COL22A1: variants seen among roughly 807,000 people sequenced by gnomAD.
The protein encoded by COL22A1 is collagen alpha-1(XXII) chain.
In COL22A1, 221 loss-of-function variants were observed where a neutral mutation model predicts 248.9. The observed-to-expected ratio is 0.89, with a 90% confidence interval of 0.80 to 0.99. The LOEUF is 0.99. COL22A1 is among the 50% of genes least tolerant of loss of function. The pLI, the probability that COL22A1 is intolerant of heterozygous loss-of-function variation, is 0.00. For synonymous variants in COL22A1, 891 were observed against 793.4 expected (o/e 1.12, Z -2.07); for missense variants, 2,240 against 2,179.0 (o/e 1.03, Z -0.56).
At chr8:138,711,024 C>T (rs900691752) in intron 30 of COL22A1, among the ~76,000 whole-genome samples, 5 of 152,172 alleles carry the variant, frequency 3.3e-5, no homozygotes, top group African/African-American at 7.2e-5. Context: ...TGGAAATAGC[C>T]TCCTCATCCT....
chr8:138,831,683 C>G (rs1241965164), intron 5 of COL22A1, among the ~76,000 whole-genome samples: 1 of 152,098 alleles, frequency 6.6e-6, no homozygotes, highest in Non-Finnish European at 1.5e-5. Flanking sequence ...AGGAGGTAGA[C>G]AGGGAGGCCT....
chr8:138,894,416 C>A (rs1825260215), intron 1 of COL22A1, among the ~76,000 whole-genome samples: 1 of 152,116 alleles, frequency 6.6e-6, no homozygotes, highest in Non-Finnish European at 1.5e-5. Context: ...TGGTGACTGG[C>A]AGGGAGCAGG....
At chr8:138,768,389 C>T (rs954010695) in intron 16 of COL22A1, among the ~76,000 whole-genome samples, 37 of 152,158 alleles carry the variant, frequency 2.4e-4, no homozygotes, top group African/African-American at 8.7e-4. Flanking sequence ...AGAAAGCCCA[C>T]CTTCCATTCT....
chr8:138,721,778 C>A (rs1829886753), intron 26 of COL22A1, among the ~76,000 whole-genome samples: 1 of 152,174 alleles, frequency 6.6e-6, no homozygotes, highest in Admixed American at 6.5e-5. Flanking sequence ...CTAGGCCTCC[C>A]AAAATGCTGG....
chr8:138,901,589 A>G (rs1436384964), intron 1 of COL22A1, among the ~76,000 whole-genome samples: 1 of 151,762 alleles, frequency 6.6e-6, no homozygotes, highest in African/African-American at 2.4e-5. Context: ...CTGGTCTCAA[A>G]TTTCTGGGCT....
chr8:138,907,687 T>C lies in COL22A1; in HGVS notation c.-73+5932A>G, dbSNP rs558461669. Reference sequence around the variant, plus strand: ...ACTGGGCAATTTATTAAAAGAGAGATGCATTTGCCTCACAGCGCTACAGGC... The same window carrying C: ...ACTGGGCAATTTATTAAAAGAGAGACGCATTTGCCTCACAGCGCTACAGGC... On this transcript the variant is annotated intron_variant, in intron 1 of 64. Transcript: ENST00000303045. 2.0e-5 allele frequency among the ~76,000 whole-genome samples: 3 copies of C among 152,328 alleles called. No homozygotes were observed. The South Asian group carries it at 6.2e-4, about 32-fold the overall frequency.
At chr8:138,778,281 A>C (rs1417532298) in intron 15 of COL22A1, 72 bp downstream of exon 15, 3 of 1,553,208 alleles carry the variant, frequency 1.9e-6, no homozygotes, top group Non-Finnish European at 2.7e-6. Context: ...AGGTGGAGGA[A>C]CTTGCTAGAA....
rs1209275989 is a variant in COL22A1 at position 138,589,291 on chromosome 8, T to G, written c.4843A>C (p.Ser1615Arg). The G allele has an allele frequency of 6.2e-7, 1 of 1,613,938 alleles. No homozygotes were observed. Among genetic ancestry groups the G allele is most frequent in the South Asian group, 1.1e-5 (1 of 91,068 alleles). Residue 1615 changes from serine (S) to arginine (R), a missense_variant, in exon 65 of 65, where the codon AGC (serine) becomes CGC (arginine). Transcript: ENST00000303045. ...ACATTACCCGGCCGGGCAGCAAGGC[T>G]GGCGAAGTAGGCACACTGGGAAGGG... ...CDPSQCAYFA[S>R]LAARPGNVKG...
intron 16 of COL22A1, among the ~76,000 whole-genome samples, chr8:138,765,477 A>C (rs957338125): frequency 9.9e-5 from 15 of 152,202 alleles, no homozygotes; most frequent in African/African-American, 3.4e-4. Flanking sequence ...CACCCTACTA[A>C]AGATCACTGT....
rs962585108 is a variant in COL22A1, at chr8:138,660,005, T to A, written c.3285+431A>T. 3.9e-5 allele frequency among the ~76,000 whole-genome samples: 6 copies of A among 152,332 alleles called. No homozygotes were observed. In the South Asian group the frequency reaches 1.2e-3, roughly 32 times the overall value. ...TCACCCCAGATCCACTTTTCACCCT[T>A]CTCTGTCCCGTTCCATGCCTGGGAG... is the stretch of plus-strand genomic sequence containing the variant. On this transcript the variant is annotated intron_variant, in intron 44 of 64. Coordinates refer to ENST00000303045, the MANE Select transcript of COL22A1 (RefSeq NM_152888.3).
At chr8:138,670,333 G>A (rs1328761508) in intron 41 of COL22A1, among the ~76,000 whole-genome samples, 3 of 152,152 alleles carry the variant, frequency 2.0e-5, no homozygotes, top group East Asian at 1.9e-4. Context: ...CCCACAGGAC[G>A]CAGCTCTGTG....
chr8:138,693,764 C>G lies in COL22A1; in HGVS notation c.2701-65G>C, dbSNP rs1827270700. On this transcript the variant is annotated intron_variant, in intron 34 of 64. Transcript: ENST00000303045. Reference sequence around the variant, plus strand: ...TCAGTGATGCTGTTTCCCCTCACAGCAGGGAGGTCTCGGGAATACCGTGCT... The same window carrying G: ...TCAGTGATGCTGTTTCCCCTCACAGGAGGGAGGTCTCGGGAATACCGTGCT... 40 of 1,511,322 alleles carry G rather than the reference C, an allele frequency of 2.6e-5. 2 individuals are homozygous for G. In the South Asian group the frequency reaches 4.8e-4, roughly 18 times the overall value. The allele number at this position is 1,511,322 out of a possible 1,614,324, so 93.6% of individuals were successfully genotyped here.
intron 1 of COL22A1, among the ~76,000 whole-genome samples, chr8:138,895,525 A>T (rs895557825): frequency 6.6e-6 from 1 of 152,182 alleles, no homozygotes; most frequent in Non-Finnish European, 1.5e-5. Flanking sequence ...TTTAGAAAAC[A>T]TAGAGCAGGC....
intron 58 of COL22A1, 72 bp downstream of exon 58, chr8:138,606,309 G>T: frequency 7.5e-7 from 1 of 1,325,048 alleles, no homozygotes; most frequent in Non-Finnish European, 1.1e-6. Flanking sequence ...GGAGGTGGCA[G>T]GGAAGGTACT....
intron 3 of COL22A1, among the ~76,000 whole-genome samples, chr8:138,876,650 G>C (rs1177262984): frequency 6.6e-6 from 1 of 152,162 alleles, no homozygotes; most frequent in Non-Finnish European, 1.5e-5. Context: ...TCACTGGGCT[G>C]CAAGCCAGGC....
chr8:138,783,938 A>G (rs1052200405), intron 12 of COL22A1, among the ~76,000 whole-genome samples: 2 of 152,164 alleles, frequency 1.3e-5, no homozygotes, highest in African/African-American at 4.8e-5. Flanking sequence ...GCTGTGGCTC[A>G]GAGCCCAGAG....
At chr8:138,756,466 A>G (rs1172458683) in intron 18 of COL22A1, among the ~76,000 whole-genome samples, 1 of 152,140 alleles carries the variant, frequency 6.6e-6, no homozygotes, top group East Asian at 1.9e-4. Flanking sequence ...CATATTTATC[A>G]ATTTTGATCA....
intron 49 of COL22A1, among the ~76,000 whole-genome samples, chr8:138,634,553 A>C (rs1334042184): frequency 6.6e-6 from 1 of 152,176 alleles, no homozygotes; most frequent in Non-Finnish European, 1.5e-5. Context: ...GTCAATGTCA[A>C]GGCTACAGCT....
chr8:138,821,068 C>G, intron 7 of COL22A1, 68 bp downstream of exon 7: 2 of 1,538,466 alleles, frequency 1.3e-6, no homozygotes, highest in Non-Finnish European at 1.8e-6. Context: ...ACACTGAGGG[C>G]ACTTAGCTCC....
Sources: allele counts gnomAD v4.1 joint callset (sites outside exome capture counted in the v4.1 genomes callset), GRCh38; gene constraint gnomAD v4.1.1; transcripts MANE v1.5; gene names NCBI Gene and HGNC (gene_info 2026-07-23, HGNC 2026-07-21).